The following SLC24A3 variants were observed in gnomAD, a reference collection of about 807,000 sequenced individuals.
The protein encoded by SLC24A3 is solute carrier family 24 member 3.
SLC24A3 carries 28 observed loss-of-function variants against 75.8 expected under a neutral mutation model. That is an observed-to-expected ratio of 0.37 (90% CI 0.27 to 0.51). SLC24A3 has a LOEUF of 0.51. Ranked by LOEUF, SLC24A3 falls within the 20% of genes least tolerant of loss-of-function variation. The pLI is 0.94. For missense variants in SLC24A3, 663 were observed against 847.8 expected (o/e 0.78, Z 2.71); for synonymous variants, 372 against 334.1 (o/e 1.11, Z -1.24).
chr20:19,333,504 G>T (rs1423020561), intron 2 of SLC24A3, among the ~76,000 whole-genome samples: 2 of 152,120 alleles, frequency 1.3e-5, no homozygotes, highest in Non-Finnish European at 2.9e-5. Flanking sequence ...GCGGTTTGTG[G>T]TATCAGTAAT....
chr20:19,554,588 G>C (rs900269885), intron 3 of SLC24A3, among the ~76,000 whole-genome samples: 4 of 152,302 alleles, frequency 2.6e-5, no homozygotes, highest in Middle Eastern at 3.4e-3. Flanking sequence ...ATGTCTGTTT[G>C]ACGGAGTTGT....
At chr20:19,296,073 G>A (rs1354392712) in intron 2 of SLC24A3, among the ~76,000 whole-genome samples, 2 of 151,968 alleles carry the variant, frequency 1.3e-5, no homozygotes, top group Non-Finnish European at 2.9e-5. Context: ...ACTTATTCCC[G>A]GTTCAATCTT....
intron 2 of SLC24A3, among the ~76,000 whole-genome samples, chr20:19,438,498 G>A (rs1026064976): frequency 6.6e-6 from 1 of 151,934 alleles, no homozygotes; most frequent in Non-Finnish European, 1.5e-5. Context: ...GCTGCTCATT[G>A]GCCTCTGCAC....
intron 2 of SLC24A3, among the ~76,000 whole-genome samples, chr20:19,328,528 C>T (rs6046001): frequency 0.52 from 78,336 of 151,832 alleles, 22,475 homozygotes; most frequent in African/African-American, 0.77. Flanking sequence ...GCAGGATTGA[C>T]TGGACATGGT....
chr20:19,330,016 T>C (rs542242749), intron 2 of SLC24A3, among the ~76,000 whole-genome samples: 98 of 152,342 alleles, frequency 6.4e-4, no homozygotes, highest in African/African-American at 2.4e-3. Flanking sequence ...CTACACATGA[T>C]TTTAACTCAG....
At chr20:19,300,865 T>G (rs534593510) in intron 2 of SLC24A3, among the ~76,000 whole-genome samples, 1 of 152,232 alleles carries the variant, frequency 6.6e-6, no homozygotes, top group East Asian at 1.9e-4. Flanking sequence ...GTTCACTGTC[T>G]GGCTGCGAGA....
intron 14 of SLC24A3, among the ~76,000 whole-genome samples, chr20:19,697,740 C>G (rs1397444989): frequency 6.6e-6 from 1 of 151,342 alleles, no homozygotes; most frequent in Non-Finnish European, 1.5e-5. Context: ...GTTGTCTACA[C>G]TATTGTTCAG....
chr20:19,296,331 C>T (rs1984060294), intron 2 of SLC24A3, among the ~76,000 whole-genome samples: 1 of 98,166 alleles, frequency 1.0e-5, no homozygotes. Context: ...TGAAGGGTTT[C>T]TCATGTCTCT....
intron 3 of SLC24A3, among the ~76,000 whole-genome samples, chr20:19,521,344 G>A (rs2030094394): frequency 6.6e-6 from 1 of 152,134 alleles, no homozygotes. Flanking sequence ...TGGCCATGGG[G>A]TGACCATCCC....
rs78369402 is a variant in SLC24A3, at chr20:19,481,356, A to G, written c.272-34132A>G. 6.2e-3 allele frequency among the ~76,000 whole-genome samples: 950 copies of G among 152,304 alleles called. 10 individuals are homozygous for G. Among genetic ancestry groups the G allele is most frequent in the African/African-American group, 0.022 (896 of 41,564 alleles). On this transcript the variant is annotated intron_variant, in intron 2 of 16. Transcript: ENST00000328041. ...GTGCTTAGTTTATACAGCCCTGTGAAGTGTATGAGGCCACAGCCACCATCT... is the reference window on the plus strand; with the variant it reads ...GTGCTTAGTTTATACAGCCCTGTGAGGTGTATGAGGCCACAGCCACCATCT...
chr20:19,266,549 C>T (rs1983171415), intron 1 of SLC24A3, among the ~76,000 whole-genome samples: 1 of 152,164 alleles, frequency 6.6e-6, no homozygotes, highest in South Asian at 2.1e-4. Flanking sequence ...CAATTTTATA[C>T]TCATACTCAT....
At chr20:19,565,415 G>C (rs1311128963) in intron 3 of SLC24A3, among the ~76,000 whole-genome samples, 2 of 74,232 alleles carry the variant, frequency 2.7e-5, no homozygotes, top group African/African-American at 6.6e-5. Flanking sequence ...GGGGGTGGGG[G>C]GTCAAATAAC....
intron 1 of SLC24A3, among the ~76,000 whole-genome samples, chr20:19,233,241 C>T (rs572537822): frequency 6.6e-6 from 1 of 152,330 alleles, no homozygotes; most frequent in Admixed American, 6.5e-5. Flanking sequence ...TACAAGCCAG[C>T]AGCGTTAACG....
intron 2 of SLC24A3, among the ~76,000 whole-genome samples, chr20:19,410,958 G>C (rs1022286468): frequency 6.6e-6 from 1 of 152,206 alleles, no homozygotes; most frequent in Non-Finnish European, 1.5e-5. Context: ...AAACATCCCA[G>C]CCTTTTGAGT....
At chr20:19,542,712 AG>A (rs1397561209) in intron 3 of SLC24A3, among the ~76,000 whole-genome samples, 3 of 152,222 alleles carry the variant, frequency 2.0e-5, no homozygotes, top group Non-Finnish European at 1.5e-5. Context: ...AATGTACCCA[AG>A]AGATTGAGTA....
At chr20:19,339,707 A>G (rs886638293) in intron 2 of SLC24A3, among the ~76,000 whole-genome samples, 1 of 152,190 alleles carries the variant, frequency 6.6e-6, no homozygotes, top group Admixed American at 6.5e-5. Flanking sequence ...CCAGAAACCA[A>G]CCAGGAGATA....
At chr20:19,680,055 CTGTG>C (rs1232171068) in intron 9 of SLC24A3, among the ~76,000 whole-genome samples, 1 of 148,612 alleles carries the variant, frequency 6.7e-6, no homozygotes, top group African/African-American at 2.5e-5. Context: ...CTGTGTGTGT[CTGTG>C]TGCTGTGTGT....
chr20:19,407,636 A>C (rs1452030958), intron 2 of SLC24A3, among the ~76,000 whole-genome samples: 1 of 152,274 alleles, frequency 6.6e-6, no homozygotes, highest in Non-Finnish European at 1.5e-5. Flanking sequence ...GAAAGAAAAG[A>C]AAGGAAAACA....
intron 2 of SLC24A3, among the ~76,000 whole-genome samples, chr20:19,480,188 C>T (rs1188248839): frequency 6.6e-6 from 1 of 152,138 alleles, no homozygotes; most frequent in African/African-American, 2.4e-5. Flanking sequence ...GAGGTGTCTG[C>T]TGCATGCAGC....
Sources: allele counts gnomAD v4.1 joint callset (sites outside exome capture counted in the v4.1 genomes callset), GRCh38; gene constraint gnomAD v4.1.1; transcripts MANE v1.5; gene names NCBI Gene and HGNC (gene_info 2026-07-23, HGNC 2026-07-21).